EXOC4: variants seen among roughly 807,000 people sequenced by gnomAD.
The protein encoded by EXOC4 is SEC8-like 1.
EXOC4 carries 71 observed loss-of-function variants against 107.2 expected under a neutral mutation model. The observed-to-expected ratio is 0.66, with a 90% CI of 0.55 to 0.81. The LOEUF (loss-of-function observed/expected upper bound fraction) is 0.81. EXOC4 is among the 30% of genes least tolerant of loss of function. The probability of loss-of-function intolerance (pLI) is 0.00; values close to 1 mark genes in which losing one functional copy is unlikely to be tolerated. For synonymous variants in EXOC4, 456 were observed against 441.2 expected, an observed-to-expected ratio of 1.03 and a Z score of -0.42; for missense variants, 1,108 against 1,189.6, an observed-to-expected ratio of 0.93 and a Z score of 1.01.
At chr7:134,055,103 A>G (rs1795891955) in intron 17 of EXOC4, among the ~76,000 whole-genome samples, 1 of 152,210 alleles carries the variant, frequency 6.6e-6, no homozygotes, top group South Asian at 2.1e-4. Context: ...CAAATAATCC[A>G]GAGTTTTTTG....
intron 9 of EXOC4, among the ~76,000 whole-genome samples, chr7:133,492,418 A>G (rs1490371885): frequency 6.6e-6 from 1 of 152,204 alleles, no homozygotes; most frequent in Non-Finnish European, 1.5e-5. Context: ...ATAGCATTTC[A>G]TTATGTATGC....
chr7:133,273,202 AAAC>A (rs1793913631), intron 1 of EXOC4, among the ~76,000 whole-genome samples: 1 of 152,238 alleles, frequency 6.6e-6, no homozygotes, highest in Admixed American at 6.5e-5. Context: ...TGTATCATTA[AAAC>A]AACAAGAAGA....
In EXOC4 at chr7:133,893,527, G is replaced by A. The variant is rs1392976204; in HGVS notation, c.1735-2072G>A. 8.8e-4 allele frequency among the ~76,000 whole-genome samples: 54 copies of A among 61,264 alleles called. 13 individuals carry two copies. In the East Asian group the frequency reaches 0.019, roughly 21 times the overall value. The allele number at this position is 61,264 out of a possible 152,430, so 40.2% of individuals were successfully genotyped here. A position where few individuals can be genotyped will look rare whatever the true frequency, so the allele number is the denominator to read the frequency against. On this transcript the variant is annotated intron_variant, in intron 11 of 17. Coordinates refer to ENST00000253861, the MANE Select transcript of EXOC4 (RefSeq NM_021807.4). ...ATGCAGTTTCTTCCTAGTCTCGATG[G>A]TCTTTACATTTTGGCATGATTTTGC...
At chr7:133,633,040 G>A (rs1266509627) in intron 10 of EXOC4, among the ~76,000 whole-genome samples, 1 of 152,124 alleles carries the variant, frequency 6.6e-6, no homozygotes, top group Admixed American at 6.5e-5. Flanking sequence ...TTTACTCAAT[G>A]CTTGTTACTA....
intron 9 of EXOC4, among the ~76,000 whole-genome samples, chr7:133,527,286 C>T (rs1800098538): frequency 1.3e-5 from 2 of 151,972 alleles, no homozygotes; most frequent in African/African-American, 4.8e-5. Flanking sequence ...TGCCTGTAAT[C>T]CCAGCTACTT....
chr7:133,595,553 A>G (rs1054853636), intron 9 of EXOC4, among the ~76,000 whole-genome samples: 4 of 152,286 alleles, frequency 2.6e-5, no homozygotes, highest in Non-Finnish European at 5.9e-5. Context: ...AGTTCTTTCT[A>G]TGTGTCAGGC....
the EXOC4 span, among the ~76,000 whole-genome samples, chr7:134,075,129 A>G: frequency 7.2e-5 from 11 of 152,168 alleles, no homozygotes; most frequent in African/African-American, 2.4e-4. Flanking sequence ...CACATTTTGG[A>G]TGTTCTTGAC....
At chr7:133,810,605 A>ATTTTG (rs1797202379) in intron 10 of EXOC4, among the ~76,000 whole-genome samples, 1 of 138,790 alleles carries the variant, frequency 7.2e-6, no homozygotes, top group African/African-American at 2.8e-5. Context: ...GCTTTATTTT[A>ATTTTG]TTTTATTTTA....
In EXOC4 at chr7:133,938,030, C is replaced by G; in HGVS notation, c.2167C>G (p.Arg723Gly). ...MHESLEWLAS[R>G]TKSAFSNLST... ...TGAAAGCCTGGAATGGTTGGCAAGT[C>G]GAACAAAGTCAGCTTTCTCCAATCT... Residue 723 changes from arginine (R) to glycine (G), a missense_variant, in exon 14 of 18, where the codon CGA becomes GGA. Transcript: ENST00000253861. The G allele has an allele frequency of 6.2e-7, 1 of 1,614,006 alleles. No homozygotes were observed. Among genetic ancestry groups the G allele is most frequent in the Non-Finnish European group, 8.5e-7 (1 of 1,180,016 alleles).
At chr7:133,429,752 A>G (rs944203310) in intron 7 of EXOC4, among the ~76,000 whole-genome samples, 8 of 152,234 alleles carry the variant, frequency 5.3e-5, no homozygotes, top group African/African-American at 1.9e-4. Context: ...AATGTTTTCA[A>G]GGTTCATCCA....
chr7:133,576,857 A>C (rs1229716266), intron 9 of EXOC4: 1 of 1,289,352 alleles, frequency 7.8e-7, no homozygotes, highest in Non-Finnish European at 1.0e-6. Flanking sequence ...CATCTGTTTT[A>C]AGATGAATTC....
intron 10 of EXOC4, among the ~76,000 whole-genome samples, chr7:133,744,369 C>T (rs1294996766): frequency 6.6e-6 from 1 of 152,094 alleles, no homozygotes; most frequent in Non-Finnish European, 1.5e-5. Flanking sequence ...GTAATAGAGC[C>T]AGGATTTGAA....
chr7:133,437,532 A>G (rs1584917052), intron 7 of EXOC4, among the ~76,000 whole-genome samples: 6 of 152,230 alleles, frequency 3.9e-5, no homozygotes, highest in Admixed American at 3.9e-4. Flanking sequence ...AAACAGTGCT[A>G]TTGGTTTCAC....
At chr7:133,332,199 GTTCTT>G (rs1795410186) in intron 5 of EXOC4, among the ~76,000 whole-genome samples, 1 of 152,094 alleles carries the variant, frequency 6.6e-6, no homozygotes, top group Non-Finnish European at 1.5e-5. Flanking sequence ...GGACTTCTTA[GTTCTT>G]TTCTTTTGGG....
At position 133,902,853 on chromosome 7, in the gene EXOC4, C is replaced by CA. The variant is rs145487119; in HGVS notation, c.1871+7125dup. Among the ~76,000 whole-genome samples, 983 of 117,936 alleles carry CA rather than the reference C, an allele frequency of 8.3e-3. 4 individuals are homozygous for CA. Among genetic ancestry groups the CA allele is most frequent in the Non-Finnish European group, 0.013 (773 of 58,550 alleles). 77.4% of individuals were successfully genotyped at this position (117,936 alleles called of 152,430 possible). A position where few individuals can be genotyped will look rare whatever the true frequency, so the allele number is the denominator to read the frequency against. ...CTGGCGACAGAATGAGACTCTGTCT[C>CA]AAAAAAACAAAACAAAAAAAAAAAG... is the stretch of plus-strand genomic sequence containing the variant. On this transcript the variant is annotated intron_variant, in intron 12 of 17. Coordinates refer to ENST00000253861, the MANE Select transcript of EXOC4 (RefSeq NM_021807.4).
chr7:133,769,244 A>G (rs1408497918), intron 10 of EXOC4, among the ~76,000 whole-genome samples: 1 of 151,968 alleles, frequency 6.6e-6, no homozygotes, highest in Admixed American at 6.6e-5. Context: ...TGTATCCGGA[A>G]CTTAAAGTAA....
intron 10 of EXOC4, among the ~76,000 whole-genome samples, chr7:133,727,004 A>G (rs1309652879): frequency 6.6e-6 from 1 of 152,244 alleles, no homozygotes; most frequent in Non-Finnish European, 1.5e-5. Flanking sequence ...ATGAAGACAA[A>G]TAAGGCGTCA....
At chr7:133,585,645 T>C (rs1425303280) in intron 9 of EXOC4, among the ~76,000 whole-genome samples, 9 of 151,642 alleles carry the variant, frequency 5.9e-5, no homozygotes, top group Admixed American at 5.3e-4. Flanking sequence ...AAAAAGTAGC[T>C]GTCAGTATGG....
chr7:133,509,128 A>G (rs1290081422), intron 9 of EXOC4, among the ~76,000 whole-genome samples: 1 of 152,102 alleles, frequency 6.6e-6, no homozygotes, highest in Non-Finnish European at 1.5e-5. Context: ...GGGTGCAACC[A>G]TTGAAATATA....
Sources: gnomAD v4.1 joint callset for allele counts (sites outside exome capture counted in the v4.1 genomes callset) on GRCh38, gnomAD v4.1.1 for gene constraint, MANE v1.5 for transcripts, NCBI Gene and HGNC (gene_info 2026-07-23, HGNC 2026-07-21) for gene names.